HSD17B6: variants seen among roughly 807,000 people sequenced by gnomAD.
The protein encoded by HSD17B6 is hydroxysteroid 17-beta dehydrogenase 6.
In HSD17B6, 16 loss-of-function variants were observed where a neutral mutation model predicts 26.4. The ratio of observed to expected loss-of-function variants is 0.61; its 90% CI spans 0.41 to 0.92. HSD17B6 has a LOEUF of 0.92. HSD17B6 is among the 40% of genes least tolerant of loss of function. The probability of loss-of-function intolerance (pLI) is 0.00; values close to 1 mark genes in which losing one functional copy is unlikely to be tolerated. For synonymous variants in HSD17B6, 139 were observed against 153.0 expected (o/e 0.91, Z 0.68); for missense variants, 357 against 386.1 (o/e 0.92, Z 0.63).
chr12:56,781,114 T>C (rs1954707408), intron 2 of HSD17B6, among the ~76,000 whole-genome samples: 1 of 152,200 alleles, frequency 6.6e-6, no homozygotes, highest in Admixed American at 6.5e-5. Flanking sequence ...AGCAAACATT[T>C]CAAACAGGGG....
chr12:56,774,269 T>C (rs1456254238), intron 2 of HSD17B6, 104 bp downstream of exon 2: 3 of 1,043,602 alleles, frequency 2.9e-6, no homozygotes, highest in Non-Finnish European at 4.0e-6. Context: ...GGACTGCTTG[T>C]GGATACTAAA....
At chr12:56,767,938 T>C (rs372057407) in intron 1 of HSD17B6, among the ~76,000 whole-genome samples, 20 of 150,290 alleles carry the variant, frequency 1.3e-4, no homozygotes, top group African/African-American at 3.2e-4. Context: ...CACACACACA[T>C]ATATATGTGT....
rs377192683 is a variant in HSD17B6 at position 56,774,147 on chromosome 12, G to A, written c.295G>A (p.Glu99Lys). ...CGCTGCAGCTACTCAGTGGGTGAAG[G>A]AGCATGTGGGGGACAGAGGTATGAA... ...SIAAATQWVK[E>K]HVGDRGLWGL... Residue 99 changes from glutamate to lysine, a missense_variant, in exon 2 of 5, where the codon GAG becomes AAG. Glu to Lys is a moderately conservative substitution (Grantham distance 56). Transcript: ENST00000322165. The A allele has an allele frequency of 4.4e-6, 7 of 1,574,706 alleles. No individual in the cohort carries two copies. In the East Asian group the frequency reaches 6.8e-5, roughly 15 times the overall value.
Position 56,785,006 on chromosome 12 carries a change from T to A in HSD17B6, c.726T>A (p.Tyr242Ter). 6.2e-7 allele frequency: 1 copy of A among 1,611,132 alleles called. No individual in the cohort carries two copies. The highest frequency in any genetic ancestry group is 1.7e-4 in the Middle Eastern group (1 of 6,046). Reference protein sequence around the residue: ...KHIKETYGQQYFDALYNIMKE... With the variant: ...KHIKETYGQQ ...TTAAGGAGACCTATGGACAGCAGTA[T>A]TTTGATGCCCGTAAGCTTTTTTCTT... The change falls in exon 4 of 5, where the codon TAT becomes TAA. Residue 242 changes from tyrosine (Y) to a stop codon, truncating the protein, a stop_gained. Transcript: ENST00000322165. LOFTEE classifies it low-confidence loss of function (END_TRUNC).
intron 2 of HSD17B6, among the ~76,000 whole-genome samples, chr12:56,779,431 C>A: frequency 6.6e-6 from 1 of 152,164 alleles, no homozygotes; most frequent in East Asian, 1.9e-4. Context: ...AGCCACTGAG[C>A]CTGGCCTTAA....
intron 1 of HSD17B6, among the ~76,000 whole-genome samples, chr12:56,768,988 G>A (rs1439303588): frequency 6.7e-6 from 1 of 150,078 alleles, no homozygotes; most frequent in African/African-American, 2.4e-5. Context: ...AATAGAGAGA[G>A]ACTGAGGAAA....
intron 3 of HSD17B6, among the ~76,000 whole-genome samples, chr12:56,783,645 C>G (rs1169763815): frequency 2.1e-4 from 2 of 9,742 alleles, no homozygotes; most frequent in Admixed American, 9.8e-4. Context: ...GGGGGCTGAC[C>G]CCCCCCACCT....
intron 1 of HSD17B6, among the ~76,000 whole-genome samples, chr12:56,766,043 A>G (rs1176840536): frequency 6.6e-6 from 1 of 152,124 alleles, no homozygotes; most frequent in African/African-American, 2.4e-5. Flanking sequence ...CCTGCCCCAC[A>G]TTAACTGAGT....
At chr12:56,783,570 G>A (rs1356398572) in intron 3 of HSD17B6, among the ~76,000 whole-genome samples, 2 of 144,668 alleles carry the variant, frequency 1.4e-5, no homozygotes, top group Non-Finnish European at 3.1e-5. Context: ...CTCCCGGACA[G>A]GACGGCTGGC....
chr12:56,778,309 A>G (rs930194074), intron 2 of HSD17B6, among the ~76,000 whole-genome samples: 3 of 151,898 alleles, frequency 2.0e-5, no homozygotes, highest in African/African-American at 7.3e-5. Flanking sequence ...TTTCTTGGAG[A>G]TAGAGTCTTG....
intron 2 of HSD17B6, among the ~76,000 whole-genome samples, chr12:56,779,917 TA>T (rs905800055): frequency 3.3e-5 from 5 of 151,862 alleles, no homozygotes; most frequent in African/African-American, 1.2e-4. Flanking sequence ...ATCTTTTTTT[TA>T]AAAAAAAATT....
At position 56,776,941 on chromosome 12, in the gene HSD17B6, T is replaced by C. The variant is rs536656061; in HGVS notation, c.313+2776T>C. Among the ~76,000 whole-genome samples, 554 of 152,380 alleles carry C rather than the reference T, an allele frequency of 3.6e-3. 1 individual carries two copies. Among genetic ancestry groups the C allele is most frequent in the Middle Eastern group, 0.014 (4 of 294 alleles). On this transcript the variant is annotated intron_variant, in intron 2 of 4. Transcript: ENST00000322165. ...TTTTGGCAATTATGAATAAATTCTC[T>C]TTTTAAGTTCTATTTTGTCTAGATA...
chr12:56,763,361 C>T lies in HSD17B6; in HGVS notation c.-73C>T, dbSNP rs576812513. ...AGGAGGAAGCCGACTGCTGCCTGGT[C>T]TGCAAAGAAGTCCTTTCAAGTCTCT... On this transcript the variant is annotated 5_prime_UTR_variant, in exon 1 of 5. Coordinates refer to ENST00000322165, the MANE Select transcript of HSD17B6 (RefSeq NM_003725.4). 6.6e-6 allele frequency: 1 copy of T among 151,740 alleles called. No homozygotes were observed. The highest frequency in any genetic ancestry group is 1.9e-4 in the East Asian group (1 of 5,136). 9.4% of individuals were successfully genotyped at this position (151,740 alleles called of 1,614,324 possible).
At chr12:56,785,970 G>A (rs1220110717) in intron 4 of HSD17B6, 1 of 985,134 alleles carries the variant, frequency 1.0e-6, no homozygotes, top group Non-Finnish European at 1.2e-6. Context: ...AGACCTGGAG[G>A]AGGAGGTAGC....
Position 56,787,174 on chromosome 12 carries a change from C to G in HSD17B6, c.786C>G (p.Asn262Lys). ...EGLLNCSTNLNLVTDCMEHAL... is the reference protein window; with the variant it reads ...EGLLNCSTNLKLVTDCMEHAL... ...TGTTGAATTGTAGCACAAACCTGAA[C>G]CTGGTCACTGACTGCATGGAACATG... The change falls in exon 5 of 5, where the codon AAC becomes AAG. Residue 262 changes from asparagine (N) to lysine (K), a missense_variant. Transcript: ENST00000322165. 6.2e-7 allele frequency: 1 copy of G among 1,614,140 alleles called. No homozygotes were observed.
chr12:56,773,945 T>A lies in HSD17B6; in HGVS notation c.93T>A (p.Tyr31Ter), dbSNP rs1180164516. 2 of 1,614,082 alleles carry A rather than the reference T, an allele frequency of 1.2e-6. No homozygotes were observed. The highest frequency in any genetic ancestry group is 1.1e-5 in the South Asian group (1 of 91,072). Reference sequence around the variant, plus strand: ...TGGTGAGCCACCTCCAAGACAAGTATGTCTTTATCACGGGCTGTGACTCGG... The same window carrying A: ...TGGTGAGCCACCTCCAAGACAAGTAAGTCTTTATCACGGGCTGTGACTCGG... ...RQVVSHLQDK[Y>*]VFITGCDSGF... Residue 31 changes from tyrosine (Y) to a stop codon, truncating the protein, a stop_gained, in exon 2 of 5, where the codon TAT (tyrosine) becomes TAA (stop). Transcript: ENST00000322165. LOFTEE classifies it high-confidence loss of function.
chr12:56,770,143 A>G (rs532576941), intron 1 of HSD17B6, among the ~76,000 whole-genome samples: 16 of 151,910 alleles, frequency 1.1e-4, no homozygotes, highest in African/African-American at 3.9e-4. Flanking sequence ...AAGGAAGGAG[A>G]GAGACAGAGG....
chr12:56,779,220 G>A (rs2137919722), intron 2 of HSD17B6, among the ~76,000 whole-genome samples: 1 of 151,764 alleles, frequency 6.6e-6, no homozygotes, highest in South Asian at 2.1e-4. Flanking sequence ...CTGTAATGTC[G>A]AATTCCTGGA....
chr12:56,767,631 AT>A (rs1396849720), intron 1 of HSD17B6, among the ~76,000 whole-genome samples: 3 of 144,344 alleles, frequency 2.1e-5, no homozygotes, highest in African/African-American at 7.6e-5. Flanking sequence ...TAACATATAT[AT>A]TATATTAATA....
Sources: allele counts gnomAD v4.1 joint callset (sites outside exome capture counted in the v4.1 genomes callset), GRCh38; gene constraint gnomAD v4.1.1; transcripts MANE v1.5; gene names NCBI Gene and HGNC (gene_info 2026-07-23, HGNC 2026-07-21).